Variants in ARHGEF28 observed in about 807,000 individuals in gnomAD.
ARHGEF28 encodes Rho guanine nucleotide exchange factor 28, also known as 190 kDa guanine nucleotide exchange factor.
A neutral mutation model predicts 206.6 loss-of-function variants in ARHGEF28; 152 were observed. The observed-to-expected ratio is 0.74, with a 90% CI of 0.64 to 0.84. ARHGEF28 has a LOEUF of 0.84. Ranked by LOEUF, ARHGEF28 falls within the 40% of genes least tolerant of loss-of-function variation. ARHGEF28 has a pLI of 0.00. For missense variants in ARHGEF28, 2,028 were observed against 2,073.2 expected, an observed-to-expected ratio of 0.98 and a Z score of 0.42; for synonymous variants, 763 against 776.4, an observed-to-expected ratio of 0.98 and a Z score of 0.29.
intron 16 of ARHGEF28, among the ~76,000 whole-genome samples, chr5:73,864,309 T>C (rs1005934195): frequency 1.3e-5 from 2 of 152,256 alleles, no homozygotes; most frequent in African/African-American, 4.8e-5. Context: ...CTAACATTTC[T>C]CATTTAATTA....
chr5:73,766,295 A>T (rs1752898473), intron 4 of ARHGEF28, among the ~76,000 whole-genome samples: 1 of 152,244 alleles, frequency 6.6e-6, no homozygotes, highest in Admixed American at 6.5e-5. Flanking sequence ...ATTAACTTGT[A>T]TTGAAAAATA....
intron 9 of ARHGEF28, among the ~76,000 whole-genome samples, chr5:73,810,322 A>G (rs879481982): frequency 8.5e-5 from 13 of 152,348 alleles, no homozygotes; most frequent in African/African-American, 2.9e-4. Context: ...TAGGTCGTTC[A>G]ATACTGTTTC....
At chr5:73,862,319 A>C (rs1759450619) in intron 16 of ARHGEF28, among the ~76,000 whole-genome samples, 1 of 151,984 alleles carries the variant, frequency 6.6e-6, no homozygotes, top group Non-Finnish European at 1.5e-5. Flanking sequence ...TAAACTTAAT[A>C]CTCCTCCTGC....
In ARHGEF28 at chr5:73,913,096, A is replaced by G. The variant is rs183970769; in HGVS notation, c.4948+1521A>G. The stretch of plus-strand genomic sequence containing the variant: ...TGTACTAAGGAAATAAACAGTGATT[A>G]TATACAAAACCAGTCTATCCACATG... On this transcript the variant is annotated intron_variant, in intron 35 of 35. Coordinates refer to ENST00000513042, the MANE Select transcript of ARHGEF28 (RefSeq NM_001177693.2). Among the ~76,000 whole-genome samples, 3 of 152,386 alleles carry G rather than the reference A, an allele frequency of 2.0e-5. No individual in the cohort carries two copies. The East Asian group carries it at 5.8e-4, about 29-fold the overall frequency.
At chr5:73,720,884 T>C (rs558980590) in intron 2 of ARHGEF28, among the ~76,000 whole-genome samples, 175 of 152,320 alleles carry the variant, frequency 1.1e-3, no homozygotes, top group African/African-American at 3.9e-3. Context: ...CTGACCACAT[T>C]AGGATCTGAA....
chr5:73,844,821 C>T (rs1316947405), intron 11 of ARHGEF28, among the ~76,000 whole-genome samples: 2 of 144,532 alleles, frequency 1.4e-5, no homozygotes, highest in Non-Finnish European at 3.0e-5. Flanking sequence ...CGTGCATTAA[C>T]ATGCACCCAG....
At chr5:73,914,506 C>G (rs1763097491) in intron 35 of ARHGEF28, among the ~76,000 whole-genome samples, 2 of 149,054 alleles carry the variant, frequency 1.3e-5, no homozygotes, top group East Asian at 4.0e-4. Context: ...AGGTGATTCT[C>G]CTGCCTCAGC....
intron 25 of ARHGEF28, 90 bp from the exon 26 acceptor site, chr5:73,887,513 C>T (rs1761375550): frequency 2.0e-6 from 2 of 997,212 alleles, no homozygotes; most frequent in African/African-American, 3.3e-5. Flanking sequence ...AACTTTCATA[C>T]TTAGACTAAA....
intron 4 of ARHGEF28, among the ~76,000 whole-genome samples, chr5:73,760,051 G>A (rs577827459): frequency 9.2e-5 from 14 of 151,930 alleles, no homozygotes; most frequent in Admixed American, 3.3e-4. Context: ...ATAGAGCAAG[G>A]CCCCAGAGCC....
At chr5:73,770,784 A>G (rs1753180949) in intron 4 of ARHGEF28, among the ~76,000 whole-genome samples, 1 of 152,170 alleles carries the variant, frequency 6.6e-6, no homozygotes, top group Non-Finnish European at 1.5e-5. Context: ...ACATCAGAAG[A>G]TTCTCTCTTC....
chr5:73,637,080 C>A (rs1450182926), intron 1 of ARHGEF28, among the ~76,000 whole-genome samples: 4 of 152,084 alleles, frequency 2.6e-5, no homozygotes, highest in Non-Finnish European at 5.9e-5. Context: ...TGGAATCAGC[C>A]AGTAATAATC....
Position 73,883,797 on chromosome 5 carries a change from C to A in ARHGEF28, c.2968C>A (p.Arg990=), listed in dbSNP as rs771514690. ...AAATAGTAATCTTTTGGCTCGACGC[C>A]GAGGAATTCCAGAATGCATTCTGTT... is the stretch of plus-strand genomic sequence containing the variant. The part of the protein sequence containing the change: ...LRNSNLLARR[R]GIPECILLVT... Residue 990 remains arginine (R), a synonymous_variant, in exon 24 of 36, where the codon CGA becomes AGA. Coordinates refer to ENST00000513042, the MANE Select transcript of ARHGEF28 (RefSeq NM_001177693.2). 2 of 1,566,080 alleles carry A rather than the reference C, an allele frequency of 1.3e-6. No individual in the cohort carries two copies.
chr5:73,768,366 G>A (rs931783519), intron 4 of ARHGEF28, among the ~76,000 whole-genome samples: 2 of 152,176 alleles, frequency 1.3e-5, no homozygotes, highest in African/African-American at 4.8e-5. Flanking sequence ...AAAGCAGCTG[G>A]GAGGGAGGCT....
chr5:73,937,283 C>T (rs1201228858), intron 35 of ARHGEF28, among the ~76,000 whole-genome samples: 1 of 152,148 alleles, frequency 6.6e-6, no homozygotes, highest in South Asian at 2.1e-4. Flanking sequence ...CGGTGGTCCT[C>T]ATAATGTGAG....
chr5:73,783,841 G>A (rs1389645763), intron 7 of ARHGEF28, among the ~76,000 whole-genome samples: 2 of 152,142 alleles, frequency 1.3e-5, no homozygotes, highest in Admixed American at 6.5e-5. Flanking sequence ...GTTAATATAC[G>A]TGGCTGCCAG....
intron 1 of ARHGEF28, among the ~76,000 whole-genome samples, chr5:73,679,580 A>AG (rs1295898681): frequency 6.6e-6 from 1 of 152,074 alleles, no homozygotes; most frequent in East Asian, 1.9e-4. Context: ...AAAAAAAAAA[A>AG]AAAAAAGTTC....
Position 73,788,670 on chromosome 5 carries a change from A to C in ARHGEF28, c.911-5732A>C, listed in dbSNP as rs537207111. ...CTTCACATTGAGTAGGCTGAGGAGCAGGAGGATTAGGAAAGGGTGGTTTGT... is the reference window on the plus strand; with the variant it reads ...CTTCACATTGAGTAGGCTGAGGAGCCGGAGGATTAGGAAAGGGTGGTTTGT... On this transcript the variant is annotated intron_variant, in intron 7 of 35. Transcript: ENST00000513042. 6.6e-5 allele frequency among the ~76,000 whole-genome samples: 10 copies of C among 152,310 alleles called. No homozygotes were observed. In the East Asian group the frequency reaches 1.9e-3, roughly 29 times the overall value.
chr5:73,724,252 C>T (rs547079828), intron 2 of ARHGEF28, among the ~76,000 whole-genome samples: 1 of 152,222 alleles, frequency 6.6e-6, no homozygotes, highest in Admixed American at 6.5e-5. Flanking sequence ...GAATTCTGTG[C>T]CTACTAGGTA....
intron 34 of ARHGEF28, among the ~76,000 whole-genome samples, chr5:73,910,381 C>CA (rs60086897): frequency 0.073 from 2,258 of 30,782 alleles, 124 homozygotes; most frequent in East Asian, 0.093. Flanking sequence ...AACACCATCT[C>CA]AAAAAAAAAA....
Sources: gnomAD v4.1 joint callset for allele counts (sites outside exome capture counted in the v4.1 genomes callset) on GRCh38, gnomAD v4.1.1 for gene constraint, MANE v1.5 for transcripts, NCBI Gene and HGNC (gene_info 2026-07-23, HGNC 2026-07-21) for gene names.